The following DPYD variants were observed in gnomAD, a reference collection of about 807,000 sequenced individuals.
The protein encoded by DPYD is dihydropyrimidine dehydrogenase [NADP(+)].
DPYD carries 109 observed loss-of-function variants against 116.2 expected under a neutral mutation model. The ratio of observed to expected loss-of-function variants is 0.94; its 90% CI spans 0.80 to 1.10. The LOEUF is 1.10. Ranked by LOEUF, DPYD falls within the 50% of genes least tolerant of loss-of-function variation. The probability of loss-of-function intolerance (pLI) is 0.00; values close to 1 mark genes in which losing one functional copy is unlikely to be tolerated. For synonymous variants in DPYD, 440 were observed against 432.0 expected (o/e 1.02, Z -0.23); for missense variants, 1,302 against 1,254.5 (o/e 1.04, Z -0.57).
At chr1:97,506,603 C>T (rs933515855) in intron 13 of DPYD, among the ~76,000 whole-genome samples, 1 of 151,870 alleles carries the variant, frequency 6.6e-6, no homozygotes, top group South Asian at 2.1e-4. Flanking sequence ...ACCAGCTAAC[C>T]CAGATCAAAA....
chr1:97,301,475 C>T (rs1446509269), intron 18 of DPYD, among the ~76,000 whole-genome samples: 2 of 151,804 alleles, frequency 1.3e-5, no homozygotes, highest in Non-Finnish European at 2.9e-5. Context: ...AAGTGTCTAT[C>T]ATTATTTCAA....
At chr1:97,612,908 G>A (rs1656037655) in intron 8 of DPYD, among the ~76,000 whole-genome samples, 1 of 151,828 alleles carries the variant, frequency 6.6e-6, no homozygotes, top group African/African-American at 2.4e-5. Flanking sequence ...ACACTACATG[G>A]ATGTTTTTTC....
intron 11 of DPYD, among the ~76,000 whole-genome samples, chr1:97,565,548 C>G (rs1202476398): frequency 6.6e-6 from 1 of 152,150 alleles, no homozygotes; most frequent in South Asian, 2.1e-4. Flanking sequence ...AATGCCTCCC[C>G]GTTGTCTGGG....
At chr1:97,587,163 A>G (rs1244827506) in intron 10 of DPYD, among the ~76,000 whole-genome samples, 1 of 152,244 alleles carries the variant, frequency 6.6e-6, no homozygotes, top group African/African-American at 2.4e-5. Context: ...ATAAATATAT[A>G]CAGATCCTTG....
At chr1:97,861,468 A>T (rs913963476) in intron 2 of DPYD, among the ~76,000 whole-genome samples, 3 of 152,020 alleles carry the variant, frequency 2.0e-5, no homozygotes, top group Non-Finnish European at 4.4e-5. Context: ...ATCAAAATTT[A>T]AAAAGAGTGA....
In DPYD at chr1:97,505,792, A is replaced by G. The variant is rs184713664; in HGVS notation, c.1740+9934T>C. 5.5e-3 allele frequency among the ~76,000 whole-genome samples: 832 copies of G among 152,090 alleles called. 17 individuals carry two copies. The highest frequency in any genetic ancestry group is 3.0e-3 in the Non-Finnish European group (205 of 67,948). On this transcript the variant is annotated intron_variant, in intron 13 of 22. Transcript: ENST00000370192. ...ACTTTCTTTAATGACATTTTAAGCT[A>G]ATTTTTCACATAAATAGAGGGTAAA...
chr1:97,512,236 C>CA (rs140448703), intron 13 of DPYD, among the ~76,000 whole-genome samples: 12,685 of 151,586 alleles, frequency 0.084, 644 homozygotes, highest in South Asian at 0.1. Flanking sequence ...ACTTTGATGC[C>CA]AAAAAAAGAG....
At chr1:97,494,908 C>G (rs553267561) in intron 13 of DPYD, among the ~76,000 whole-genome samples, 2 of 152,232 alleles carry the variant, frequency 1.3e-5, no homozygotes, top group South Asian at 4.1e-4. Flanking sequence ...GATACGAGCA[C>G]AATGCATGCA....
In DPYD at chr1:97,371,449, A is replaced by AC. The variant is rs572256388; in HGVS notation, c.2058+2111dup. 8.0e-3 allele frequency among the ~76,000 whole-genome samples: 1,215 copies of AC among 152,274 alleles called. 9 individuals are homozygous for AC. The highest frequency in any genetic ancestry group is 0.012 in the Non-Finnish European group (847 of 68,016). ...CCCCACCACTGAGTATAAATTCTGC[A>AC]CCCCACCAATTGGCAAGTGTTCAAG... On this transcript the variant is annotated intron_variant, in intron 16 of 22. Coordinates refer to ENST00000370192, the MANE Select transcript of DPYD (RefSeq NM_000110.4).
At chr1:97,819,002 T>C (rs1243567653) in intron 3 of DPYD, among the ~76,000 whole-genome samples, 5 of 151,954 alleles carry the variant, frequency 3.3e-5, no homozygotes, top group African/African-American at 4.8e-5. Flanking sequence ...ATTTCAATGA[T>C]ATTTATTAGG....
chr1:97,310,064 T>C (rs1667409045), intron 16 of DPYD, among the ~76,000 whole-genome samples: 1 of 151,770 alleles, frequency 6.6e-6, no homozygotes, highest in Admixed American at 6.6e-5. Flanking sequence ...AAGTGAAATT[T>C]TGACTTGAAG....
At chr1:97,464,592 G>T (rs1677207314) in intron 13 of DPYD, among the ~76,000 whole-genome samples, 1 of 152,174 alleles carries the variant, frequency 6.6e-6, no homozygotes, top group African/African-American at 2.4e-5. Context: ...ACTAAAATGG[G>T]CCAAGGAACA....
At chr1:97,129,750 G>T (rs1653133275) in intron 20 of DPYD, among the ~76,000 whole-genome samples, 1 of 152,132 alleles carries the variant, frequency 6.6e-6, no homozygotes, top group Non-Finnish European at 1.5e-5. Flanking sequence ...AAAGTCTACT[G>T]TCATTGCATC....
intron 20 of DPYD, among the ~76,000 whole-genome samples, chr1:97,158,783 T>C (rs971446896): frequency 1.3e-5 from 2 of 152,224 alleles, no homozygotes; most frequent in East Asian, 3.9e-4. Flanking sequence ...ATTCTGCATA[T>C]GTATTCTACC....
intron 3 of DPYD, among the ~76,000 whole-genome samples, chr1:97,766,621 G>C (rs1455484369): frequency 4.6e-5 from 7 of 152,158 alleles, no homozygotes. Context: ...CAGGGGAAAG[G>C]AAAGGGGAAG....
intron 1 of DPYD, among the ~76,000 whole-genome samples, chr1:97,889,195 A>G (rs996655982): frequency 1.3e-5 from 2 of 151,996 alleles, no homozygotes; most frequent in Admixed American, 6.6e-5. Context: ...ATAAAAAGTG[A>G]AAAAAATAAA....
intron 16 of DPYD, among the ~76,000 whole-genome samples, chr1:97,339,283 T>C (rs1558040759): frequency 6.6e-6 from 1 of 152,094 alleles, no homozygotes; most frequent in Non-Finnish European, 1.5e-5. Flanking sequence ...AAAAATTCTG[T>C]TGAAGAAAGG....
chr1:97,183,264 T>A (rs1184366115), intron 20 of DPYD, among the ~76,000 whole-genome samples: 1 of 152,124 alleles, frequency 6.6e-6, no homozygotes, highest in Non-Finnish European at 1.5e-5. Flanking sequence ...TTATATCACA[T>A]ATTTAAAATT....
intron 1 of DPYD, among the ~76,000 whole-genome samples, chr1:97,894,843 T>G (rs548699404): frequency 6.6e-6 from 1 of 151,872 alleles, no homozygotes; most frequent in Non-Finnish European, 1.5e-5. Context: ...TATTTTCAAT[T>G]TAATATAATG....
Sources: allele counts gnomAD v4.1 joint callset (sites outside exome capture counted in the v4.1 genomes callset), GRCh38; gene constraint gnomAD v4.1.1; transcripts MANE v1.5; gene names NCBI Gene and HGNC (gene_info 2026-07-23, HGNC 2026-07-21).